Variants in HRG observed in about 807,000 individuals in gnomAD.
The protein encoded by HRG is histidine rich glycoprotein.
In HRG, 26 loss-of-function variants were observed where a neutral mutation model predicts 29.5. The ratio of observed to expected loss-of-function variants is 0.88; its 90% CI spans 0.65 to 1.22. The LOEUF is 1.22. Among genes scored for constraint, HRG ranks in the 50% most tolerant of loss-of-function variants. The pLI is 0.00. For synonymous variants in HRG, 243 were observed against 240.4 expected (o/e 1.01, Z -0.10); for missense variants, 671 against 654.5 (o/e 1.03, Z -0.28).
At chr3:186,673,260 C>T (rs113337232) in intron 5 of HRG, 5 of 304,898 alleles carry the variant, frequency 1.6e-5, no homozygotes, top group East Asian at 8.1e-5. Context: ...TGCACCACCA[C>T]GCCCAGCTAA....
chr3:186,667,229 GAGT>G (rs1194462809), intron 1 of HRG: 3 of 152,212 alleles, frequency 2.0e-5, no homozygotes, highest in African/African-American at 7.2e-5. Context: ...CTATCAAACA[GAGT>G]AGGTCAGAGA....
Position 186,671,638 on chromosome 3 carries a change from C to A in HRG, c.407C>A (p.Ala136Asp). ...CTTTCTCCAGTCTCTTCAGCACTGG[C>A]CAATACCAAAGATAGTCCGGTCCTC... ...CTTSSVSSALANTKDSPVLID... is the reference protein window; with the variant it reads ...CTTSSVSSALDNTKDSPVLID... The change falls in exon 4 of 7, where the codon GCC (alanine) becomes GAC (aspartate). Residue 136 changes from alanine (A) to aspartate (D), a missense_variant. Physicochemically the swap from Ala to Asp is moderately radical, Grantham distance 126. Transcript: ENST00000232003. 1.2e-6 allele frequency: 2 copies of A among 1,613,958 alleles called. No individual in the cohort carries two copies. Among genetic ancestry groups the A allele is most frequent in the Non-Finnish European group, 1.7e-6 (2 of 1,179,884 alleles).
At chr3:186,672,480 C>T (rs933165732) in intron 4 of HRG, among the ~76,000 whole-genome samples, 2 of 152,072 alleles carry the variant, frequency 1.3e-5, no homozygotes, top group African/African-American at 4.8e-5. Flanking sequence ...GGAAAACACT[C>T]GAAGAGGAAA....
chr3:186,677,892 T>A lies in HRG; in HGVS notation c.*9T>A. On this transcript the variant is annotated 3_prime_UTR_variant, in exon 7 of 7. Transcript: ENST00000232003. ...ATACATTTCCAAAATAAAATGTGAT[T>A]CCTTTGAAGAGGAAAATGAATAATA... 3 of 1,609,540 alleles carry A rather than the reference T, an allele frequency of 1.9e-6. No homozygotes were observed. Among genetic ancestry groups the A allele is most frequent in the Non-Finnish European group, 2.6e-6 (3 of 1,175,862 alleles).
intron 6 of HRG, among the ~76,000 whole-genome samples, chr3:186,676,727 T>C (rs994651983): frequency 1.3e-5 from 2 of 151,928 alleles, no homozygotes; most frequent in Non-Finnish European, 2.9e-5. Flanking sequence ...GCAGGAGAAT[T>C]GCTTGAACCT....
chr3:186,671,757 A>G lies in HRG; in HGVS notation c.526A>G (p.Arg176Gly). The G allele has an allele frequency of 6.2e-7, 1 of 1,614,008 alleles. No individual in the cohort carries two copies. Among genetic ancestry groups the G allele is most frequent in the Non-Finnish European group, 8.5e-7 (1 of 1,179,920 alleles). ...GGAGAATGATGACTTTGCCTCTTTCAGAGTGGACCGAATCGAGAGAGTTGC... is the reference window on the plus strand; with the variant it reads ...GGAGAATGATGACTTTGCCTCTTTCGGAGTGGACCGAATCGAGAGAGTTGC... ...KEENDDFASFRVDRIERVARV... is the reference protein window; with the variant it reads ...KEENDDFASFGVDRIERVARV... The change falls in exon 4 of 7, where the codon AGA (arginine) becomes GGA (glycine). Residue 176 changes from arginine to glycine, a missense_variant. Physicochemically the swap from Arg to Gly is moderately radical, Grantham distance 125. Coordinates refer to ENST00000232003, the MANE Select transcript of HRG (RefSeq NM_000412.5).
chr3:186,673,103 T>C (rs916507802), intron 5 of HRG: 3 of 571,684 alleles, frequency 5.2e-6, no homozygotes, highest in East Asian at 3.1e-5. Context: ...AGATAACTTA[T>C]TGTTTTGTTT....
intron 5 of HRG, 36 bp downstream of exon 5, chr3:186,672,903 G>A: frequency 7.5e-7 from 1 of 1,332,126 alleles, no homozygotes; most frequent in Non-Finnish European, 1.1e-6. Flanking sequence ...GTTGACTAGA[G>A]TCACAGAGAA....
In HRG at chr3:186,677,728, G is replaced by C; in HGVS notation, c.1423G>C (p.Ala475Pro). The C allele has an allele frequency of 6.2e-7, 1 of 1,611,286 alleles. No individual in the cohort carries two copies. The highest frequency in any genetic ancestry group is 8.5e-7 in the Non-Finnish European group (1 of 1,177,600). ...AGGTGAGGTGCTGCCACTTCCTGAG[G>C]CCAATTTTCCCAGCTTCCCATTGCC... ...RKGEVLPLPE[A>P]NFPSFPLPHH... Residue 475 changes from alanine to proline, a missense_variant, in exon 7 of 7, where the codon GCC (alanine) becomes CCC (proline). Transcript: ENST00000232003.
chr3:186,670,550 T>C (rs1312688728), intron 3 of HRG, among the ~76,000 whole-genome samples: 1 of 152,186 alleles, frequency 6.6e-6, no homozygotes, highest in Non-Finnish European at 1.5e-5. Flanking sequence ...TTTTTATTTA[T>C]TTATTTTTAT....
intron 5 of HRG, 90 bp downstream of exon 5, chr3:186,672,957 G>A: frequency 2.4e-6 from 2 of 827,076 alleles, no homozygotes; most frequent in Non-Finnish European, 4.2e-6. Flanking sequence ...AGGAGAGGAA[G>A]GAGAAGAAGG....
rs968687508 is a variant in HRG, at chr3:186,676,966, C to A, written c.742-81C>A. 717 of 1,483,116 alleles carry A rather than the reference C, an allele frequency of 4.8e-4. 15 individuals are homozygous for A. The highest frequency in any genetic ancestry group is 5.2e-4 in the Middle Eastern group (3 of 5,762). The allele number at this position is 1,483,116 out of a possible 1,614,324, so 91.9% of individuals were successfully genotyped here. A position where few individuals can be genotyped will look rare whatever the true frequency, so the allele number is the denominator to read the frequency against. ...TTTGTGGAATCTATGATCTGGGAGC[C>A]ATTGGTGTAAATCAAGTCAAGTATC... On this transcript the variant is annotated intron_variant, in intron 6 of 6. Transcript: ENST00000232003.
At chr3:186,674,163 A>T (rs748250706) in intron 5 of HRG, 1 of 152,114 alleles carries the variant, frequency 6.6e-6, no homozygotes, top group African/African-American at 2.4e-5. Context: ...CCAGGTCTAG[A>T]AACCTTCTTA....
At chr3:186,675,271 A>G in intron 6 of HRG, 81 bp downstream of exon 6, 1 of 780,612 alleles carries the variant, frequency 1.3e-6, no homozygotes, top group Non-Finnish European at 2.2e-6. Flanking sequence ...TGCTTCCTAA[A>G]GCTCTATGAG....
intron 3 of HRG, among the ~76,000 whole-genome samples, chr3:186,670,617 G>C (rs1009038117): frequency 6.6e-6 from 1 of 151,252 alleles, no homozygotes; most frequent in South Asian, 2.1e-4. Flanking sequence ...GTGTGATCTC[G>C]GGTCACTGCA....
chr3:186,669,073 A>T (rs180979343), intron 2 of HRG, 22 bp downstream of exon 2: 1 of 1,208,502 alleles, frequency 8.3e-7, no homozygotes, highest in African/African-American at 1.5e-5. Flanking sequence ...GGGCACCTTC[A>T]CTCTGCTCTT....
chr3:186,670,006 C>A lies in HRG; in HGVS notation c.369C>A (p.Asp123Glu). ...SHESQDLRVI[D>E]FNCTTSSVSS... ...AATCTCAGGACCTCAGAGTGATTGACTTTAACTGCACCACAAGTTCTGGTA... is the reference window on the plus strand; with the variant it reads ...AATCTCAGGACCTCAGAGTGATTGAATTTAACTGCACCACAAGTTCTGGTA... The change falls in exon 3 of 7, where the codon GAC becomes GAA. Residue 123 changes from aspartate to glutamate, a missense_variant. By Grantham distance (45) the Asp-to-Glu change is conservative. Coordinates refer to ENST00000232003, the MANE Select transcript of HRG (RefSeq NM_000412.5). 1 of 1,574,890 alleles carries A rather than the reference C, an allele frequency of 6.3e-7. No homozygotes were observed. The highest frequency in any genetic ancestry group is 1.1e-5 in the South Asian group (1 of 90,226).
At chr3:186,676,613 G>A (rs1191213799) in intron 6 of HRG, among the ~76,000 whole-genome samples, 1 of 151,112 alleles carries the variant, frequency 6.6e-6, no homozygotes, top group Non-Finnish European at 1.5e-5. Flanking sequence ...ACAAAAATTA[G>A]GAGTCTGGGC....
At chr3:186,671,479 G>A in intron 3 of HRG, 144 bp from the exon 4 acceptor site, 12 of 837,160 alleles carry the variant, frequency 1.4e-5, no homozygotes, top group Non-Finnish European at 2.1e-5. Flanking sequence ...TTGCCAAATG[G>A]CTGATTGATC....
Sources: allele counts gnomAD v4.1 joint callset (sites outside exome capture counted in the v4.1 genomes callset), GRCh38; gene constraint gnomAD v4.1.1; transcripts MANE v1.5; gene names NCBI Gene and HGNC (gene_info 2026-07-23, HGNC 2026-07-21).